CPEB4: variants seen among roughly 807,000 people sequenced by gnomAD.
CPEB4 encodes cytoplasmic polyadenylation element-binding protein 4.
Under a neutral mutation model 72.5 loss-of-function variants are expected in CPEB4, and 12 were observed. The ratio of observed to expected loss-of-function variants is 0.17; its 90% CI spans 0.11 to 0.27. CPEB4 has a LOEUF of 0.27. Ranked by LOEUF, CPEB4 falls within the 10% of genes least tolerant of loss-of-function variation. The pLI, the probability that CPEB4 is intolerant of heterozygous loss-of-function variation, is 1.00. For missense variants in CPEB4, 614 were observed against 908.5 expected, an observed-to-expected ratio of 0.68 and a Z score of 4.17; for synonymous variants, 302 against 326.3, an observed-to-expected ratio of 0.93 and a Z score of 0.80.
At chr5:173,948,678 A>T (rs1373078072) in intron 5 of CPEB4, among the ~76,000 whole-genome samples, 1 of 152,192 alleles carries the variant, frequency 6.6e-6, no homozygotes, top group Non-Finnish European at 1.5e-5. Context: ...TTGGTGGCTT[A>T]TAAACAACTG....
At chr5:173,926,143 G>C (rs757268670) in intron 2 of CPEB4, among the ~76,000 whole-genome samples, 11 of 152,106 alleles carry the variant, frequency 7.2e-5, no homozygotes, top group Non-Finnish European at 1.3e-4. Flanking sequence ...ATACTTTTTG[G>C]TGTTTGTGTG....
intron 2 of CPEB4, among the ~76,000 whole-genome samples, chr5:173,920,081 C>T (rs893726833): frequency 3.9e-5 from 6 of 152,284 alleles, no homozygotes; most frequent in South Asian, 2.1e-4. Context: ...GGTCAGGCTG[C>T]CTCTGGGCTT....
intron 2 of CPEB4, among the ~76,000 whole-genome samples, chr5:173,921,517 C>T (rs1757071747): frequency 6.6e-6 from 1 of 152,146 alleles, no homozygotes; most frequent in Non-Finnish European, 1.5e-5. Flanking sequence ...TTTGGAGCTT[C>T]CTGACATCTG....
At chr5:173,937,995 C>A (rs921596627) in intron 3 of CPEB4, among the ~76,000 whole-genome samples, 3 of 152,152 alleles carry the variant, frequency 2.0e-5, no homozygotes, top group Admixed American at 2.0e-4. Flanking sequence ...TTTATAAAAT[C>A]ATTTAAAATG....
chr5:173,956,404 C>G lies in CPEB4; in HGVS notation c.*267C>G, dbSNP rs527409387. On this transcript the variant is annotated 3_prime_UTR_variant, in exon 10 of 10. Coordinates refer to ENST00000265085, the MANE Select transcript of CPEB4 (RefSeq NM_030627.4). ...TTGCTGGAAACCAAGAGGATCCAAA[C>G]TTCCTGCAACATTTTCTTAGAGGAG... 1.3e-4 allele frequency: 45 copies of G among 358,884 alleles called. No homozygotes were observed. The highest frequency in any genetic ancestry group is 3.8e-4 in the Admixed American group (9 of 23,510). 22.2% of individuals were successfully genotyped at this position (358,884 alleles called of 1,614,324 possible).
Position 173,889,938 on chromosome 5 carries a change from A to G in CPEB4, c.205A>G (p.Asn69Asp). ...GCTTTTTCCTGCTCCAGCTACCCAT[A>G]ACATTCAGGATGAGATCTTGGGGTC... ...AWLFPAPATH[N>D]IQDEILGSEK... Residue 69 changes from asparagine to aspartate, a missense_variant, in exon 1 of 10, where the codon AAC (asparagine) becomes GAC (aspartate). By Grantham distance (23) the Asn-to-Asp change is conservative (BLOSUM62 1). This residue lies in a region of CPEB4 where 458 missense variants were observed against 548.6 expected (regional missense o/e 0.83). Coordinates refer to ENST00000265085, the MANE Select transcript of CPEB4 (RefSeq NM_030627.4). 3 of 1,614,190 alleles carry G rather than the reference A, an allele frequency of 1.9e-6. No homozygotes were observed. Among genetic ancestry groups the G allele is most frequent in the Non-Finnish European group, 2.5e-6 (3 of 1,180,012 alleles).
Position 173,890,284 on chromosome 5 carries a change from A to C in CPEB4, c.551A>C (p.Asn184Thr). The C allele has an allele frequency of 6.2e-7, 1 of 1,614,026 alleles. No homozygotes were observed. Among genetic ancestry groups the C allele is most frequent in the Non-Finnish European group, 8.5e-7 (1 of 1,179,948 alleles). The stretch of plus-strand genomic sequence containing the variant: ...GCGCCTTCCTCCTCTACAATAATCA[A>C]TGAAGATGCAAGTTTCTTTCACCAG... The part of the protein sequence containing the change: ...AIAPSSSTII[N>T]EDASFFHQGG... The change falls in exon 1 of 10, where the codon AAT becomes ACT. Residue 184 changes from asparagine to threonine, a missense_variant. Physicochemically the swap from Asn to Thr is moderately conservative, Grantham distance 65. This residue lies in a region of CPEB4 where 458 missense variants were observed against 548.6 expected (regional missense o/e 0.83). Transcript: ENST00000265085.
intron 1 of CPEB4, among the ~76,000 whole-genome samples, chr5:173,893,571 G>C (rs1358529406): frequency 1.4e-5 from 2 of 147,960 alleles, no homozygotes; most frequent in Non-Finnish European, 3.0e-5. Flanking sequence ...TTTCTCACAG[G>C]GGAAAAAAAA....
rs748463752 is a variant in CPEB4 at position 173,890,377 on chromosome 5, G to A, written c.644G>A (p.Ser215Asn). 1.2e-6 allele frequency: 2 copies of A among 1,614,098 alleles called. No homozygotes were observed. The highest frequency in any genetic ancestry group is 4.5e-5 in the East Asian group (2 of 44,872). Residue 215 changes from serine to asparagine, a missense_variant, in exon 1 of 10, where the codon AGC becomes AAC. Coordinates refer to ENST00000265085, the MANE Select transcript of CPEB4 (RefSeq NM_030627.4). The stretch of plus-strand genomic sequence containing the variant: ...TTTCAAAATTTCCCCCATCATGTCA[G>A]CCCTGGCTTTGGAGGCAGCTTCTCT... ...LLFQNFPHHV[S>N]PGFGGSFSPQ...
intron 5 of CPEB4, among the ~76,000 whole-genome samples, chr5:173,945,967 G>A (rs1044672894): frequency 3.3e-4 from 50 of 152,068 alleles, no homozygotes; most frequent in Admixed American, 3.9e-4. Context: ...TTTTGTCTTC[G>A]TTTCCTGAGT....
chr5:173,904,208 C>G (rs572787454), intron 1 of CPEB4, among the ~76,000 whole-genome samples: 3 of 152,142 alleles, frequency 2.0e-5, no homozygotes, highest in Non-Finnish European at 2.9e-5. Context: ...TTTAAATACT[C>G]GAAGCTTCAG....
rs1757721639 is a variant in CPEB4, at chr5:173,938,792, AAGT to A, written c.1259-4232_1259-4230del. The stretch of plus-strand genomic sequence containing the variant: ...TGTAGGAAAGTATGCTTTTGTATGA[AAGT>A]AATAATGTCATTTGTTCATTTTTAA... On this transcript the variant is annotated intron_variant, in intron 3 of 9. Transcript: ENST00000265085. Among the ~76,000 whole-genome samples the A allele has an allele frequency of 2.0e-5, 3 of 152,236 alleles. No individual in the cohort carries two copies. In the South Asian group the frequency reaches 6.2e-4, roughly 32 times the overall value.
intron 1 of CPEB4, among the ~76,000 whole-genome samples, chr5:173,908,047 A>G (rs1261403546): frequency 1.3e-5 from 2 of 152,226 alleles, no homozygotes; most frequent in Non-Finnish European, 2.9e-5. Flanking sequence ...GGTGTGGTTC[A>G]TTGCTGAAAT....
At chr5:173,909,688 T>A (rs947882878) in intron 1 of CPEB4, among the ~76,000 whole-genome samples, 1 of 152,196 alleles carries the variant, frequency 6.6e-6, no homozygotes, top group Non-Finnish European at 1.5e-5. Flanking sequence ...AGTATTTTTA[T>A]TTTCTTAAAA....
In CPEB4 at chr5:173,944,885, T is replaced by G. The variant is rs1757963228; in HGVS notation, c.1283-82T>G. On this transcript the variant is annotated intron_variant, in intron 4 of 9. Coordinates refer to ENST00000265085, the MANE Select transcript of CPEB4 (RefSeq NM_030627.4). The stretch of plus-strand genomic sequence containing the variant: ...ATAAAAGCAGCAGTTTTATTGAATC[T>G]GCTGTTTCCTTGTTTCTTTGCATGA... The G allele has an allele frequency of 4.2e-6, 5 of 1,177,990 alleles. No homozygotes were observed. The South Asian group carries it at 7.2e-5, about 17-fold the overall frequency. 73.0% of individuals were successfully genotyped at this position (1,177,990 alleles called of 1,614,324 possible). A position where few individuals can be genotyped will look rare whatever the true frequency, so the allele number is the denominator to read the frequency against.
chr5:173,940,361 G>A (rs988073955), intron 3 of CPEB4, among the ~76,000 whole-genome samples: 8 of 152,064 alleles, frequency 5.3e-5, no homozygotes, highest in African/African-American at 1.2e-4. Context: ...ACACTTCCTC[G>A]GATATTTGAG....
At chr5:173,905,001 TAATAATAATAATAATAAA>T (rs1342392475) in intron 1 of CPEB4, among the ~76,000 whole-genome samples, 156 of 122,602 alleles carry the variant, frequency 1.3e-3, no homozygotes, top group African/African-American at 4.0e-3. Flanking sequence ...ATAATAATAA[TAATAATAATAATAATAAA>T]AAAATGTAAC....
Position 173,960,612 on chromosome 5 carries a change from CA to C in CPEB4, c.*4476del, listed in dbSNP as rs1262019008. On this transcript the variant is annotated 3_prime_UTR_variant, in exon 10 of 10. Transcript: ENST00000265085. The stretch of plus-strand genomic sequence containing the variant: ...GGAGTAAGCCCAGGATCTAAGCATT[CA>C]GTTATCAGTTGAAGGCCAAATGCCC... 6.6e-6 allele frequency: 1 copy of C among 152,142 alleles called. No homozygotes were observed. Among genetic ancestry groups the C allele is most frequent in the East Asian group, 1.9e-4 (1 of 5,192 alleles). The allele number at this position is 152,142 out of a possible 1,614,324, so 9.4% of individuals were successfully genotyped here.
intron 1 of CPEB4, among the ~76,000 whole-genome samples, chr5:173,892,206 T>C (rs1025252068): frequency 1.3e-5 from 2 of 151,856 alleles, no homozygotes; most frequent in African/African-American, 4.8e-5. Context: ...GTCATTCCTT[T>C]CCTAAGGATT....
Sources: gnomAD v4.1 joint callset for allele counts (sites outside exome capture counted in the v4.1 genomes callset) on GRCh38, gnomAD v4.1.1 for gene constraint, gnomAD v4.1.1 regional missense constraint, MANE v1.5 for transcripts, NCBI Gene and HGNC (gene_info 2026-07-23, HGNC 2026-07-21) for gene names.